Variants in RIMS2 observed in about 807,000 individuals in gnomAD.
The protein encoded by RIMS2 is regulating synaptic membrane exocytosis protein 2.
RIMS2 carries 59 observed loss-of-function variants against 174.4 expected under a neutral mutation model. The observed-to-expected ratio is 0.34, with a 90% CI of 0.27 to 0.42. The LOEUF (loss-of-function observed/expected upper bound fraction) is 0.42. Among genes scored for constraint, RIMS2 ranks in the 10% least tolerant of loss-of-function variants. The probability of loss-of-function intolerance (pLI) is 1.00; values close to 1 mark genes in which losing one functional copy is unlikely to be tolerated. For synonymous variants in RIMS2, 606 were observed against 572.5 expected, an observed-to-expected ratio of 1.06 and a Z score of -0.84; for missense variants, 1,620 against 1,666.3, an observed-to-expected ratio of 0.97 and a Z score of 0.48.
intron 2 of RIMS2, among the ~76,000 whole-genome samples, chr8:103,715,948 T>G (rs903297299): frequency 1.3e-5 from 2 of 152,104 alleles, no homozygotes; most frequent in Admixed American, 1.3e-4. Flanking sequence ...CATTTTTCAG[T>G]TTTTTGAGCT....
chr8:103,610,172 C>G (rs948006648), intron 1 of RIMS2, among the ~76,000 whole-genome samples: 2 of 151,956 alleles, frequency 1.3e-5, no homozygotes, highest in African/African-American at 4.8e-5. Flanking sequence ...GGTTTTTGTA[C>G]ATTGATTTTG....
rs2099257838 is a variant in RIMS2, at chr8:103,893,269, G to C, written c.1624+7046G>C. ...TTTGGGGTACAGGAGTAAAATCTTG[G>C]ACTGTAAATTTAACTGCATATATGG... is the stretch of plus-strand genomic sequence containing the variant. On this transcript the variant is annotated intron_variant, in intron 4 of 23. Coordinates refer to ENST00000504942, the Ensembl canonical transcript of RIMS2. Among the ~76,000 whole-genome samples the C allele has an allele frequency of 2.0e-5, 3 of 152,006 alleles. No homozygotes were observed. The South Asian group carries it at 6.2e-4, about 31-fold the overall frequency.
intron 19 of RIMS2, among the ~76,000 whole-genome samples, chr8:104,132,188 C>T (rs997531854): frequency 3.3e-5 from 5 of 151,946 alleles, no homozygotes; most frequent in Non-Finnish European, 5.9e-5. Context: ...TTGTTATTTT[C>T]GTGGATGGAA....
intron 1 of RIMS2, among the ~76,000 whole-genome samples, chr8:103,519,753 T>TTA (rs1339376915): frequency 7.7e-5 from 11 of 142,760 alleles, no homozygotes; most frequent in Admixed American, 2.7e-4. Flanking sequence ...TTTTTTTTTT[T>TTA]AACCTCTGTT....
At chr8:104,240,982 T>C (rs1235705580) in intron 19 of RIMS2, among the ~76,000 whole-genome samples, 1 of 152,134 alleles carries the variant, frequency 6.6e-6, no homozygotes, top group African/African-American at 2.4e-5. Context: ...TTGAGGAAAC[T>C]GAGTCACAGA....
chr8:103,629,301 C>T (rs191740595), intron 1 of RIMS2, among the ~76,000 whole-genome samples: 125 of 152,284 alleles, frequency 8.2e-4, no homozygotes, highest in Non-Finnish European at 1.5e-3. Flanking sequence ...ATATGAAGTC[C>T]TGGACAGATC....
At position 104,110,744 on chromosome 8, in the gene RIMS2, T is replaced by C. The variant is rs1243837830; in HGVS notation, c.3334+96129T>C. On this transcript the variant is annotated intron_variant, in intron 19 of 23. Transcript: ENST00000504942. Reference sequence around the variant, plus strand: ...AAGTTAATCCCCTGCACTGATGCTTTAAAAAAATTATTCCACTATCAAATA... The same window carrying C: ...AAGTTAATCCCCTGCACTGATGCTTCAAAAAAATTATTCCACTATCAAATA... Among the ~76,000 whole-genome samples, 3 of 152,254 alleles carry C rather than the reference T, an allele frequency of 2.0e-5. No homozygotes were observed. In the East Asian group the frequency reaches 5.8e-4, roughly 29 times the overall value.
chr8:103,958,441 A>G (rs1250151093), intron 14 of RIMS2, among the ~76,000 whole-genome samples: 4 of 152,170 alleles, frequency 2.6e-5, no homozygotes, highest in Admixed American at 6.6e-5. Context: ...AGCAGAAAAC[A>G]TAACTGTTAG....
chr8:103,690,109 C>A (rs577196394), intron 1 of RIMS2, among the ~76,000 whole-genome samples: 1 of 152,042 alleles, frequency 6.6e-6, no homozygotes, highest in South Asian at 2.1e-4. Flanking sequence ...TACAGGCATG[C>A]ACCATGATGC....
chr8:103,911,155 A>C (rs549014393), intron 5 of RIMS2, among the ~76,000 whole-genome samples: 3 of 152,148 alleles, frequency 2.0e-5, no homozygotes, highest in South Asian at 4.1e-4. Flanking sequence ...ACTGGAACTT[A>C]TGTTTTGCCT....
At chr8:103,831,387 A>C (rs2098825136) in intron 3 of RIMS2, among the ~76,000 whole-genome samples, 1 of 152,142 alleles carries the variant, frequency 6.6e-6, no homozygotes, top group Admixed American at 6.5e-5. Flanking sequence ...AATAACACAC[A>C]GTGTCAGGAA....
chr8:104,240,434 T>C (rs1220169307), intron 19 of RIMS2, among the ~76,000 whole-genome samples: 1 of 152,192 alleles, frequency 6.6e-6, no homozygotes, highest in Non-Finnish European at 1.5e-5. Context: ...TAAATGTAGC[T>C]AAAGATTTTG....
At chr8:104,195,478 T>A (rs1587025255) in intron 19 of RIMS2, among the ~76,000 whole-genome samples, 1 of 150,790 alleles carries the variant, frequency 6.6e-6, no homozygotes, top group Non-Finnish European at 1.5e-5. Context: ...AAATGTTAAA[T>A]AATAATGAAG....
At chr8:103,843,159 A>T (rs975125870) in intron 3 of RIMS2, among the ~76,000 whole-genome samples, 1 of 152,244 alleles carries the variant, frequency 6.6e-6, no homozygotes, top group African/African-American at 2.4e-5. Context: ...AATTCAGCCC[A>T]CAAGATCATT....
At chr8:103,995,228 A>G (rs1289447447) in intron 17 of RIMS2, among the ~76,000 whole-genome samples, 1 of 152,098 alleles carries the variant, frequency 6.6e-6, no homozygotes, top group African/African-American at 2.4e-5. Flanking sequence ...GTGCAATCCA[A>G]AATATATTTG....
intron 2 of RIMS2, among the ~76,000 whole-genome samples, chr8:103,730,144 G>A (rs2097573413): frequency 6.6e-6 from 1 of 152,188 alleles, no homozygotes; most frequent in Admixed American, 6.5e-5. Flanking sequence ...CTGAGAGTGA[G>A]GTGTTGAAGT....
At chr8:104,142,785 T>C (rs1234711343) in intron 19 of RIMS2, among the ~76,000 whole-genome samples, 1 of 152,180 alleles carries the variant, frequency 6.6e-6, no homozygotes, top group African/African-American at 2.4e-5. Context: ...TCTCCCTAAC[T>C]CTGGACATTT....
At chr8:104,190,379 A>G (rs577834904) in intron 19 of RIMS2, among the ~76,000 whole-genome samples, 55 of 126,462 alleles carry the variant, frequency 4.3e-4, no homozygotes, top group Admixed American at 4.2e-3. Context: ...TCCTTAATCC[A>G]TCTTTCTAGG....
chr8:104,164,417 AAATAAG>A (rs1273484763), intron 19 of RIMS2, among the ~76,000 whole-genome samples: 1 of 121,692 alleles, frequency 8.2e-6, no homozygotes, highest in Non-Finnish European at 1.7e-5. Context: ...TTTTCCAAAA[AAATAAG>A]GACAAAAATG....
Sources: allele counts gnomAD v4.1 joint callset (sites outside exome capture counted in the v4.1 genomes callset), GRCh38; gene constraint gnomAD v4.1.1; transcripts MANE v1.5; gene names NCBI Gene and HGNC (gene_info 2026-07-23, HGNC 2026-07-21).